The following FGD5 variants were observed in gnomAD, a reference collection of about 807,000 sequenced individuals.
FGD5 encodes FYVE, RhoGEF and PH domain-containing protein 5.
FGD5 carries 28 observed loss-of-function variants against 133.4 expected under a neutral mutation model. That is an observed-to-expected ratio of 0.21 (90% CI 0.16 to 0.29). The LOEUF (loss-of-function observed/expected upper bound fraction) is 0.29. Ranked by LOEUF, FGD5 falls within the 10% of genes least tolerant of loss-of-function variation. FGD5 has a pLI of 1.00. For missense variants in FGD5, 1,858 were observed against 1,895.2 expected, an observed-to-expected ratio of 0.98 and a Z score of 0.36; for synonymous variants, 810 against 776.5, an observed-to-expected ratio of 1.04 and a Z score of -0.72.
chr3:14,867,982 TAGG>T (rs2037529979), intron 2 of FGD5, among the ~76,000 whole-genome samples: 1 of 152,058 alleles, frequency 6.6e-6, no homozygotes, highest in Non-Finnish European at 1.5e-5. Context: ...CAAGTCATGA[TAGG>T]AGAGGTTTTG....
rs1366444479 is a variant in FGD5 at position 14,898,806 on chromosome 3, A to G, written c.3134A>G (p.Gln1045Arg). 6.3e-7 allele frequency: 1 copy of G among 1,579,580 alleles called. No homozygotes were observed. The highest frequency in any genetic ancestry group is 1.3e-5 in the African/African-American group (1 of 74,172). ...RLLRVVQRLF[Q>R]YQVLLTDYLN... ...CTGCGGGTGGTTCAACGCCTCTTCCAGTACCAAGTGCTCCTCACAGGTGGG... is the reference window on the plus strand; with the variant it reads ...CTGCGGGTGGTTCAACGCCTCTTCCGGTACCAAGTGCTCCTCACAGGTGGG... The change falls in exon 7 of 20, where the codon CAG becomes CGG. Residue 1045 changes from glutamine (Q) to arginine (R), a missense_variant. By Grantham distance (43) the Gln-to-Arg change is conservative. Coordinates refer to ENST00000285046, the MANE Select transcript of FGD5 (RefSeq NM_152536.4).
Position 14,933,412 on chromosome 3 carries a change from C to T in FGD5, c.*245C>T. The T allele has an allele frequency of 1.9e-6, 1 of 529,226 alleles. No homozygotes were observed. The highest frequency in any genetic ancestry group is 3.4e-6 in the Non-Finnish European group (1 of 294,290). The allele number at this position is 529,226 out of a possible 1,614,324, so 32.8% of individuals were successfully genotyped here. A position where few individuals can be genotyped will look rare whatever the true frequency, so the allele number is the denominator to read the frequency against. The stretch of plus-strand genomic sequence containing the variant: ...TCCACCCCTACCCCCACCCGCCACC[C>T]AGTAATAAACTATTTCCTTACCCCG... On this transcript the variant is annotated 3_prime_UTR_variant, in exon 20 of 20. Coordinates refer to ENST00000285046, the MANE Select transcript of FGD5 (RefSeq NM_152536.4).
chr3:14,882,924 G>A (rs992122009), intron 4 of FGD5, among the ~76,000 whole-genome samples: 2 of 152,290 alleles, frequency 1.3e-5, no homozygotes, highest in African/African-American at 4.8e-5. Context: ...AGCTTGGCAA[G>A]TTCTTCAGAA....
chr3:14,825,711 TA>T (rs796472516), intron 1 of FGD5, among the ~76,000 whole-genome samples: 59 of 146,908 alleles, frequency 4.0e-4, no homozygotes, highest in South Asian at 1.3e-3. Flanking sequence ...GATGCTCACT[TA>T]AAAAAAAAAA....
intron 2 of FGD5, among the ~76,000 whole-genome samples, chr3:14,868,764 C>T (rs2125108208): frequency 6.6e-6 from 1 of 152,294 alleles, no homozygotes; most frequent in East Asian, 1.9e-4. Flanking sequence ...ACTCCCAGTC[C>T]CTCCTCTTCT....
upstream of FGD5, chr3:14,810,745 G>T: frequency 8.5e-6 from 8 of 939,542 alleles, no homozygotes; most frequent in Non-Finnish European, 1.0e-5. Context: ...GGCGCCAGGG[G>T]GTGCGGGCCC....
chr3:14,917,038 C>G lies in FGD5; in HGVS notation c.3406-211C>G, dbSNP rs74834668. 0.091 allele frequency among the ~76,000 whole-genome samples: 13,904 copies of G among 152,226 alleles called. 950 individuals are homozygous for G. The highest frequency in any genetic ancestry group is 0.21 in the Admixed American group (3,250 of 15,300). The stretch of plus-strand genomic sequence containing the variant: ...ACATACTCACACGACTTCTTGAGGG[C>G]ATATGCATTTATTCCTCTCAAGCAT... On this transcript the variant is annotated intron_variant, in intron 11 of 19. Coordinates refer to ENST00000285046, the MANE Select transcript of FGD5 (RefSeq NM_152536.4). This position sits in a 1 kb window ranked among gnomAD's most constrained non-coding sequence, Gnocchi z 4.1.
At chr3:14,892,674 C>G (rs564005892) in intron 4 of FGD5, among the ~76,000 whole-genome samples, 176 of 152,210 alleles carry the variant, frequency 1.2e-3, no homozygotes, top group African/African-American at 4.1e-3. Flanking sequence ...AAAAATTTAG[C>G]CAGGCGTGGC....
chr3:14,821,729 AG>A, intron 1 of FGD5, 133 bp downstream of exon 1: 28 of 1,270,388 alleles, frequency 2.2e-5, no homozygotes, highest in Non-Finnish European at 2.8e-5. Context: ...ACTTGGGGTG[AG>A]TGGCTTTATA....
chr3:14,875,028 C>A (rs74963989), intron 2 of FGD5, among the ~76,000 whole-genome samples: 1 of 152,156 alleles, frequency 6.6e-6, no homozygotes, highest in Admixed American at 6.5e-5. Context: ...CCCTGAGTAC[C>A]TGTCTCTGAG....
At chr3:14,859,759 CTTTGT>C (rs1172386695) in intron 1 of FGD5, among the ~76,000 whole-genome samples, 1 of 151,964 alleles carries the variant, frequency 6.6e-6, no homozygotes, top group Non-Finnish European at 1.5e-5. Context: ...AGCACATTTC[CTTTGT>C]TTTGTTTTGT....
At chr3:14,907,514 A>G in intron 9 of FGD5, 126 bp from the exon 10 acceptor site, 1 of 794,634 alleles carries the variant, frequency 1.3e-6, no homozygotes, top group South Asian at 1.9e-5. Flanking sequence ...AGGAGGTTGG[A>G]TTTGGGGCAG....
rs565295045 is a variant in FGD5, at chr3:14,903,741, C to T, written c.3264+2680C>T. Among the ~76,000 whole-genome samples, 6 of 152,106 alleles carry T rather than the reference C, an allele frequency of 3.9e-5. No individual in the cohort carries two copies. In the South Asian group the frequency reaches 1.2e-3, roughly 32 times the overall value. On this transcript the variant is annotated intron_variant, in intron 9 of 19. Transcript: ENST00000285046. Reference sequence around the variant, plus strand: ...GTATATTAGTATGCTACATGTGTTACATTAACACACAAATATTGGTACAGG... The same window carrying T: ...GTATATTAGTATGCTACATGTGTTATATTAACACACAAATATTGGTACAGG...
chr3:14,885,951 A>G (rs1437894192), intron 4 of FGD5, among the ~76,000 whole-genome samples: 1 of 152,230 alleles, frequency 6.6e-6, no homozygotes, highest in East Asian at 1.9e-4. Flanking sequence ...TTTCCTAAAC[A>G]TTCTGTGTTG....
rs1418975743 is a variant in FGD5 at position 14,933,796 on chromosome 3, A to G, written c.*629A>G. The G allele has an allele frequency of 6.5e-6, 1 of 154,434 alleles. No homozygotes were observed. The highest frequency in any genetic ancestry group is 1.4e-5 in the Non-Finnish European group (1 of 69,358). 9.6% of individuals were successfully genotyped at this position (154,434 alleles called of 1,614,324 possible). A position where few individuals can be genotyped will look rare whatever the true frequency, so the allele number is the denominator to read the frequency against. ...GGCTGTGGCTTGCTGGTGTGCAAGC[A>G]CACATCACTTTAGAGGGGCTGCGCC... On this transcript the variant is annotated 3_prime_UTR_variant, in exon 20 of 20. Transcript: ENST00000285046.
chr3:14,895,160 G>T (rs906048399), intron 4 of FGD5, among the ~76,000 whole-genome samples: 1 of 152,162 alleles, frequency 6.6e-6, no homozygotes. Flanking sequence ...TCTGTGGGTT[G>T]TCTCTTTGTT....
At chr3:14,903,504 TC>T (rs1437295618) in intron 9 of FGD5, among the ~76,000 whole-genome samples, 1 of 63,282 alleles carries the variant, frequency 1.6e-5, no homozygotes, top group African/African-American at 6.1e-5. Context: ...CCCTCCCCCC[TC>T]CCCCCACCCC....
chr3:14,851,271 C>CTCA (rs2037158712), intron 1 of FGD5, among the ~76,000 whole-genome samples: 1 of 152,168 alleles, frequency 6.6e-6, no homozygotes, highest in African/African-American at 2.4e-5. Context: ...TACATAGACC[C>CTCA]TCATAGACCT....
In FGD5 at chr3:14,905,861, C is replaced by A. The variant is rs117936094; in HGVS notation, c.3265-1779C>A. The stretch of plus-strand genomic sequence containing the variant: ...TTCCTCATAACTTGTTATTGGAGGC[C>A]AGGCATTATGTGTAGAAGCACTGTA... On this transcript the variant is annotated intron_variant, in intron 9 of 19. Coordinates refer to ENST00000285046, the MANE Select transcript of FGD5 (RefSeq NM_152536.4). Among the ~76,000 whole-genome samples, 142 of 152,098 alleles carry A rather than the reference C, an allele frequency of 9.3e-4. 5 individuals are homozygous for A. In the East Asian group the frequency reaches 0.026, roughly 27 times the overall value.
Sources: gnomAD v4.1 joint callset for allele counts (sites outside exome capture counted in the v4.1 genomes callset) on GRCh38, gnomAD v4.1.1 for gene constraint, Gnocchi (gnomAD v3.1) non-coding constraint, MANE v1.5 for transcripts, NCBI Gene and HGNC (gene_info 2026-07-23, HGNC 2026-07-21) for gene names.